Variants in FAT3 observed in about 807,000 individuals in gnomAD.
FAT3 encodes the protein FAT atypical cadherin 3.
A neutral mutation model predicts 310.2 loss-of-function variants in FAT3; 95 were observed. The ratio of observed to expected loss-of-function variants is 0.31; its 90% confidence interval spans 0.26 to 0.36. FAT3 has a LOEUF of 0.36. FAT3 is among the 10% of genes least tolerant of loss of function. The pLI is 1.00. For missense variants in FAT3, 5,408 were observed against 5,715.6 expected (o/e 0.95, Z 1.74); for synonymous variants, 2,314 against 2,192.9 (o/e 1.06, Z -1.54).
rs1289893133 is a variant in FAT3 at position 92,708,551 on chromosome 11, G to A, written c.3669+11106G>A. The stretch of plus-strand genomic sequence containing the variant: ...TGCACATGCATTGCACATGTTAAGT[G>A]TTTAATATGTTAGCTATTATAATTA... On this transcript the variant is annotated intron_variant, in intron 4 of 27. Coordinates refer to ENST00000525166, the MANE Select transcript of FAT3 (RefSeq NM_001367949.2). Among the ~76,000 whole-genome samples, 5 of 152,322 alleles carry A rather than the reference G, an allele frequency of 3.3e-5. No homozygotes were observed. The South Asian group carries it at 1.0e-3, about 32-fold the overall frequency.
chr11:92,459,067 C>G (rs41356252), intron 2 of FAT3, among the ~76,000 whole-genome samples: 6,138 of 152,260 alleles, frequency 0.04, 387 homozygotes, highest in African/African-American at 0.13. Flanking sequence ...AGTTATGATC[C>G]TTTACCCCTA....
intron 7 of FAT3, among the ~76,000 whole-genome samples, chr11:92,787,703 TATAAA>T (rs1946929816): frequency 6.7e-6 from 1 of 150,184 alleles, no homozygotes; most frequent in Non-Finnish European, 1.5e-5. Flanking sequence ...AATACATAAT[TATAAA>T]ATAAAAAGAA....
chr11:92,528,644 C>T (rs1165481940), intron 3 of FAT3, among the ~76,000 whole-genome samples: 1 of 151,002 alleles, frequency 6.6e-6, no homozygotes, highest in African/African-American at 2.4e-5. Flanking sequence ...CCTTGGCCTC[C>T]CAAAGTGCTG....
Position 92,891,044 on chromosome 11 carries a change from C to T in FAT3, c.13701C>T (p.Ser4567=), listed in dbSNP as rs2136450224. The T allele has an allele frequency of 5.0e-6, 8 of 1,613,816 alleles. No homozygotes were observed. Among genetic ancestry groups the T allele is most frequent in the Non-Finnish European group, 6.8e-6 (8 of 1,179,852 alleles). ...AAGTAGCCATGAGTGACTACGAGAGCGTGGGAGAGCTCAGCCTCGCCAGCC... is the reference window on the plus strand; with the variant it reads ...AAGTAGCCATGAGTGACTACGAGAGTGTGGGAGAGCTCAGCCTCGCCAGCC... ...DSEVAMSDYE[S]VGELSLASLH... The change falls in exon 28 of 28, where the codon AGC becomes AGT. Residue 4567 remains serine (S), a synonymous_variant. Coordinates refer to ENST00000525166, the MANE Select transcript of FAT3 (RefSeq NM_001367949.2).
At chr11:92,427,024 C>T (rs1259504366) in intron 2 of FAT3, among the ~76,000 whole-genome samples, 3 of 152,094 alleles carry the variant, frequency 2.0e-5, no homozygotes, top group Admixed American at 2.0e-4. Context: ...AATGTTTTTC[C>T]ATTTGTTTGT....
At chr11:92,581,607 T>C (rs1042767557) in intron 3 of FAT3, among the ~76,000 whole-genome samples, 1 of 152,172 alleles carries the variant, frequency 6.6e-6, no homozygotes, top group Non-Finnish European at 1.5e-5. Context: ...CTGATTGTTC[T>C]AGGAATGGGT....
At chr11:92,226,390 TCTC>T (rs1160659985) in intron 1 of FAT3, among the ~76,000 whole-genome samples, 9 of 148,020 alleles carry the variant, frequency 6.1e-5, no homozygotes, top group Admixed American at 6.1e-4. Context: ...TTTCCACCGT[TCTC>T]CTCTTGTGGG....
intron 23 of FAT3, 122 bp downstream of exon 23, chr11:92,881,006 C>A: frequency 9.3e-7 from 1 of 1,076,948 alleles, no homozygotes; most frequent in Non-Finnish European, 1.4e-6. Flanking sequence ...TTAACATCTG[C>A]ACGATACGTA....
intron 3 of FAT3, among the ~76,000 whole-genome samples, chr11:92,681,179 A>G (rs1304837314): frequency 6.6e-6 from 1 of 152,214 alleles, no homozygotes; most frequent in African/African-American, 2.4e-5. Context: ...GCCTTTTTGT[A>G]CCTTACATTC....
intron 1 of FAT3, among the ~76,000 whole-genome samples, chr11:92,315,063 G>A (rs932954380): frequency 3.3e-5 from 5 of 151,754 alleles, no homozygotes; most frequent in African/African-American, 9.7e-5. Flanking sequence ...TTGAAGAGAG[G>A]AAACATAAGA....
At chr11:92,761,556 T>C (rs998695550) in intron 4 of FAT3, among the ~76,000 whole-genome samples, 7 of 152,110 alleles carry the variant, frequency 4.6e-5, no homozygotes, top group Admixed American at 3.3e-4. Context: ...CAGAGAGAGA[T>C]TGGGATCTCT....
chr11:92,244,778 C>T (rs900611177), intron 1 of FAT3, among the ~76,000 whole-genome samples: 3 of 151,784 alleles, frequency 2.0e-5, no homozygotes, highest in African/African-American at 7.3e-5. Flanking sequence ...TCTCTAATGA[C>T]CAGTGATGAT....
intron 3 of FAT3, among the ~76,000 whole-genome samples, chr11:92,595,249 G>A (rs1175941395): frequency 6.6e-6 from 1 of 152,086 alleles, no homozygotes; most frequent in Non-Finnish European, 1.5e-5. Flanking sequence ...CTCTTGTGAA[G>A]CAAGTATGGA....
chr11:92,301,031 G>A (rs1021679983), intron 1 of FAT3, among the ~76,000 whole-genome samples: 6 of 152,088 alleles, frequency 3.9e-5, no homozygotes, highest in African/African-American at 1.4e-4. Flanking sequence ...AGCAGATGCT[G>A]CACAGAAAAT....
chr11:92,728,440 T>C (rs903629979), intron 4 of FAT3, among the ~76,000 whole-genome samples: 6 of 152,188 alleles, frequency 3.9e-5, no homozygotes, highest in African/African-American at 1.2e-4. Flanking sequence ...TTGCTTGCAG[T>C]GTTTACAAAG....
intron 3 of FAT3, among the ~76,000 whole-genome samples, chr11:92,677,086 T>C (rs1236166758): frequency 6.6e-6 from 1 of 152,248 alleles, no homozygotes; most frequent in Non-Finnish European, 1.5e-5. Flanking sequence ...ACAGGCGAGA[T>C]ACTGGGTCAC....
chr11:92,698,609 A>G, intron 4 of FAT3, among the ~76,000 whole-genome samples: 1 of 152,172 alleles, frequency 6.6e-6, no homozygotes, highest in South Asian at 2.1e-4. Flanking sequence ...TATTATTATC[A>G]TCATCATACA....
Position 92,846,935 on chromosome 11 carries a change from T to C in FAT3, c.11365+2203T>C, listed in dbSNP as rs117435543. Among the ~76,000 whole-genome samples, 25 of 152,344 alleles carry C rather than the reference T, an allele frequency of 1.6e-4. No individual in the cohort carries two copies. In the East Asian group the frequency reaches 4.8e-3, roughly 29 times the overall value. On this transcript the variant is annotated intron_variant, in intron 19 of 27. Coordinates refer to ENST00000525166, the MANE Select transcript of FAT3 (RefSeq NM_001367949.2). The stretch of plus-strand genomic sequence containing the variant: ...CCAAAGGTCATCTAGCCCAGCCCTA[T>C]CTTCAGCAGGTGATACATGATAATC...
intron 1 of FAT3, among the ~76,000 whole-genome samples, chr11:92,348,172 A>G (rs543854979): frequency 6.6e-6 from 1 of 152,114 alleles, no homozygotes; most frequent in Admixed American, 6.5e-5. Flanking sequence ...AAGATACAAA[A>G]GCCTTAAAAG....
Sources: allele counts gnomAD v4.1 joint callset (sites outside exome capture counted in the v4.1 genomes callset), GRCh38; gene constraint gnomAD v4.1.1; transcripts MANE v1.5; gene names NCBI Gene and HGNC (gene_info 2026-07-23, HGNC 2026-07-21).